Variants in MYH15 observed in about 807,000 individuals in gnomAD.
MYH15 encodes myosin-15.
Under a neutral mutation model 240.5 loss-of-function variants are expected in MYH15, and 227 were observed. The observed-to-expected ratio is 0.94, with a 90% CI of 0.85 to 1.05. The LOEUF (loss-of-function observed/expected upper bound fraction) is 1.05. MYH15 is among the 50% of genes least tolerant of loss of function. MYH15 has a pLI of 0.00. For synonymous variants in MYH15, 785 were observed against 796.7 expected, an observed-to-expected ratio of 0.99 and a Z score of 0.25; for missense variants, 2,217 against 2,247.5, an observed-to-expected ratio of 0.99 and a Z score of 0.27.
chr3:108,421,240 T>C (rs1576223030), intron 27 of MYH15, 26 bp from the exon 28 acceptor site: 2 of 1,605,782 alleles, frequency 1.2e-6, no homozygotes, highest in East Asian at 4.5e-5. Flanking sequence ...GAAGGGCTGG[T>C]CAGGGCTCAC....
At chr3:108,435,018 C>T (rs373130698) in intron 25 of MYH15, among the ~76,000 whole-genome samples, 11 of 152,050 alleles carry the variant, frequency 7.2e-5, no homozygotes, top group East Asian at 5.8e-4. Context: ...CCAAATGGAC[C>T]GCCTGTGTAT....
chr3:108,441,457 T>C (rs1424445358), intron 22 of MYH15, among the ~76,000 whole-genome samples, 197 bp from the exon 23 acceptor site: 2 of 152,240 alleles, frequency 1.3e-5, no homozygotes, highest in Non-Finnish European at 2.9e-5. Flanking sequence ...TGCTTGTGTT[T>C]GGAGGTGCTT....
chr3:108,385,915 C>A (rs1363688379), intron 38 of MYH15, among the ~76,000 whole-genome samples: 3 of 152,128 alleles, frequency 2.0e-5, no homozygotes, highest in African/African-American at 7.2e-5. Flanking sequence ...CCCCGCCACA[C>A]ACACCACCAC....
chr3:108,544,147 GAGAGA>G, the MYH15 span, among the ~76,000 whole-genome samples: 1 of 152,190 alleles, frequency 6.6e-6, no homozygotes, highest in East Asian at 1.9e-4. Flanking sequence ...TTGAGAGAGT[GAGAGA>G]CAAGTTCTTT....
At chr3:108,514,271 A>G (rs576242666), upstream of MYH15, among the ~76,000 whole-genome samples, 1 of 152,300 alleles carries the variant, frequency 6.6e-6, no homozygotes, top group African/African-American at 2.4e-5. Context: ...AAACTAGAAC[A>G]AGTTGGTCAA....
rs150310787 is a variant in MYH15 at position 108,442,632 on chromosome 3, G to A, written c.2656-1372C>T. ...AACATGACAGCAGGATTTGGGGGCT[G>A]AGCAATGGTGTGGCAGTTTAGCAGT... On this transcript the variant is annotated intron_variant, in intron 22 of 40. Transcript: ENST00000693548. Among the ~76,000 whole-genome samples, 657 of 152,196 alleles carry A rather than the reference G, an allele frequency of 4.3e-3. 2 individuals are homozygous for A. Among genetic ancestry groups the A allele is most frequent in the Middle Eastern group, 0.014 (4 of 294 alleles).
chr3:108,533,095 T>C (rs1450459678), upstream of MYH15, among the ~76,000 whole-genome samples: 2 of 150,866 alleles, frequency 1.3e-5, no homozygotes, highest in Non-Finnish European at 2.9e-5. Flanking sequence ...TTGATTCAGA[T>C]ATATTTTTAA....
At chr3:108,551,055 G>T in the MYH15 span, 1 of 562,088 alleles carries the variant, frequency 1.8e-6, no homozygotes, top group Non-Finnish European at 2.8e-6. Context: ...TTATTGTTAC[G>T]AAGTCACAAA....
intron 23 of MYH15, 35 bp from the exon 24 acceptor site, chr3:108,439,948 C>G: frequency 6.6e-7 from 1 of 1,508,986 alleles, no homozygotes; most frequent in Non-Finnish European, 8.9e-7. Context: ...ATTAAAGCCA[C>G]TGCTGGAAAG....
At chr3:108,489,719 T>A (rs2083332243) in intron 9 of MYH15, among the ~76,000 whole-genome samples, 1 of 152,202 alleles carries the variant, frequency 6.6e-6, no homozygotes, top group Non-Finnish European at 1.5e-5. Context: ...TATGTGGACA[T>A]CATCCTCATA....
rs142204472 is a variant in MYH15, at chr3:108,494,112, G to A, written c.712-935C>T. On this transcript the variant is annotated intron_variant, in intron 7 of 40. Coordinates refer to ENST00000693548, the MANE Select transcript of MYH15 (RefSeq NM_014981.3). Reference sequence around the variant, plus strand: ...CAGGGAGGAAGACAGCCTGGGGGAGGCTGGCCCATGCCAGGAAGGCATCAG... The same window carrying A: ...CAGGGAGGAAGACAGCCTGGGGGAGACTGGCCCATGCCAGGAAGGCATCAG... 6.2e-3 allele frequency among the ~76,000 whole-genome samples: 946 copies of A among 152,326 alleles called. 19 individuals carry two copies. The highest frequency in any genetic ancestry group is 0.022 in the African/African-American group (900 of 41,574).
Position 108,517,659 on chromosome 3 carries a change from G to A in MYH15, c.-57-7072C>T, listed in dbSNP as rs143012205. ...ATTTTTGTATTTTTAGTAGGAATGG[G>A]GTTTCACCATGTTGGCCAGGCTGGT... On this transcript the variant is annotated intron_variant, in intron 1 of 41. Transcript: ENST00000273353. Among the ~76,000 whole-genome samples, 43 of 151,442 alleles carry A rather than the reference G, an allele frequency of 2.8e-4. 1 individual carries two copies. The East Asian group carries it at 8.1e-3, about 29-fold the overall frequency.
rs539212121 is a variant in MYH15, at chr3:108,394,077, T to G, written c.5213A>C (p.Gln1738Pro). 119 of 1,614,130 alleles carry G rather than the reference T, an allele frequency of 7.4e-5. No homozygotes were observed. In the South Asian group the frequency reaches 1.3e-3, roughly 17 times the overall value. The change falls in exon 36 of 41, where the codon CAG becomes CCG. Residue 1738 changes from glutamine to proline, a missense_variant. By Grantham distance (76) the Gln-to-Pro change is moderately conservative (BLOSUM62 -1). Coordinates refer to ENST00000693548, the MANE Select transcript of MYH15 (RefSeq NM_014981.3). ...RMQKEAEEVV[Q>P]ECQNAEEKAK... ...CTTCTCTTCTGCATTTTGACACTCCTGCACCACCTCTTCAGCTTCTTTCTG... is the reference window on the plus strand; with the variant it reads ...CTTCTCTTCTGCATTTTGACACTCCGGCACCACCTCTTCAGCTTCTTTCTG...
rs772589544 is a variant in MYH15 at position 108,384,794 on chromosome 3, A to G, written c.5536-12T>C. ...TTGTCTTCCTCTGCCTGCAATACAT[A>G]GGCATGTATGGGAAGGTGATTCAGA... On this transcript the variant is annotated splice_polypyrimidine_tract_variant and intron_variant, in intron 38 of 40. Transcript: ENST00000693548. 6.2e-6 allele frequency: 10 copies of G among 1,608,378 alleles called. No individual in the cohort carries two copies. The East Asian group carries it at 2.0e-4, about 32-fold the overall frequency.
upstream of MYH15, among the ~76,000 whole-genome samples, chr3:108,512,230 C>T (rs2107255674): frequency 6.6e-6 from 1 of 152,174 alleles, no homozygotes; most frequent in South Asian, 2.1e-4. Context: ...TGTTAGACAT[C>T]TGAATATAGA....
At chr3:108,431,991 T>C (rs893556133) in intron 25 of MYH15, among the ~76,000 whole-genome samples, 3 of 152,116 alleles carry the variant, frequency 2.0e-5, no homozygotes, top group Admixed American at 6.5e-5. Context: ...TTAGGGTACC[T>C]GGTGGAAGGA....
upstream of MYH15, among the ~76,000 whole-genome samples, chr3:108,511,754 A>G (rs980828982): frequency 2.0e-5 from 3 of 152,212 alleles, no homozygotes; most frequent in African/African-American, 7.2e-5. Context: ...ATCAGCACCC[A>G]CTTCAGAATG....
chr3:108,470,887 G>A lies in MYH15; in HGVS notation c.1234-40C>T. 3 of 1,605,302 alleles carry A rather than the reference G, an allele frequency of 1.9e-6. 1 individual carries two copies. In the Admixed American group the frequency reaches 5.0e-5, roughly 27 times the overall value. On this transcript the variant is annotated intron_variant, in intron 12 of 40. Coordinates refer to ENST00000693548, the MANE Select transcript of MYH15 (RefSeq NM_014981.3). Reference sequence around the variant, plus strand: ...GAAAACACTCCTTCATCTGACTGAAGTGTTCATTTTAATCCCGGGCATTCT... The same window carrying A: ...GAAAACACTCCTTCATCTGACTGAAATGTTCATTTTAATCCCGGGCATTCT...
intron 27 of MYH15, among the ~76,000 whole-genome samples, chr3:108,422,186 G>A (rs2082689045): frequency 6.6e-6 from 1 of 151,304 alleles, no homozygotes; most frequent in Non-Finnish European, 1.5e-5. Flanking sequence ...TAGCTGTTTT[G>A]ATGAAACTCA....
Sources: gnomAD v4.1 joint callset for allele counts (sites outside exome capture counted in the v4.1 genomes callset) on GRCh38, gnomAD v4.1.1 for gene constraint, MANE v1.5 for transcripts, NCBI Gene and HGNC (gene_info 2026-07-23, HGNC 2026-07-21) for gene names.